The following TIMM50 variants were observed in gnomAD, a reference collection of about 807,000 sequenced individuals.
TIMM50 encodes mitochondrial import inner membrane translocase subunit TIM50.
A neutral mutation model predicts 49.6 loss-of-function variants in TIMM50; 34 were observed. That is an observed-to-expected ratio of 0.69 (90% CI 0.52 to 0.91). TIMM50 has a LOEUF of 0.91. Among genes scored for constraint, TIMM50 ranks in the 40% least tolerant of loss-of-function variants. The pLI is 0.00. For missense variants in TIMM50, 458 were observed against 477.8 expected, an observed-to-expected ratio of 0.96 and a Z score of 0.39; for synonymous variants, 199 against 198.4, an observed-to-expected ratio of 1.00 and a Z score of -0.03.
rs1223836779 is a variant in TIMM50 at position 39,485,575 on chromosome 19, A to G, written c.345A>G (p.Thr115=). 3 of 1,614,120 alleles carry G rather than the reference A, an allele frequency of 1.9e-6. No individual in the cohort carries two copies. The South Asian group carries it at 3.3e-5, about 18-fold the overall frequency. ...TTCTGGTACAGCAGTTGCGCCGGAC[A>G]TACAAATATTTCAAAGATTATAGAC... The part of the protein sequence containing the change: ...DPILVQQLRR[T]YKYFKDYRQM... Residue 115 remains threonine (T), a synonymous_variant, in exon 5 of 11, where the codon ACA becomes ACG. Transcript: ENST00000607714.
chr19:39,487,232 G>C (rs2079513041), intron 8 of TIMM50, among the ~76,000 whole-genome samples: 1 of 152,194 alleles, frequency 6.6e-6, no homozygotes, highest in Non-Finnish European at 1.5e-5. Context: ...CCTGGGTCTA[G>C]AAGTCTATGT....
rs1440318384 is a variant in TIMM50 at position 39,493,004 on chromosome 19, A to C, written c.*3184A>C. On this transcript the variant is annotated 3_prime_UTR_variant, in exon 11 of 11. Transcript: ENST00000607714. ...GCCTTCATCTAGTGCTAACTGATTAAATATTCTAAGATGACCTTCTCTGGT... is the reference window on the plus strand; with the variant it reads ...GCCTTCATCTAGTGCTAACTGATTACATATTCTAAGATGACCTTCTCTGGT... The C allele has an allele frequency of 1.3e-5, 2 of 151,854 alleles. No individual in the cohort carries two copies. Among genetic ancestry groups the C allele is most frequent in the Non-Finnish European group, 1.5e-5 (1 of 68,032 alleles). 9.4% of individuals were successfully genotyped at this position (151,854 alleles called of 1,614,324 possible).
chr19:39,485,842 A>T (rs1249913635), intron 6 of TIMM50, 35 bp downstream of exon 6: 1 of 1,612,534 alleles, frequency 6.2e-7, no homozygotes, highest in Non-Finnish European at 8.5e-7. Context: ...TTGGGGATAG[A>T]CCTGGGCAGT....
chr19:39,482,083 C>T, intron 2 of TIMM50, 50 bp downstream of exon 2: 1 of 1,593,772 alleles, frequency 6.3e-7, no homozygotes, highest in Non-Finnish European at 8.6e-7. Flanking sequence ...CCTCCCTGGT[C>T]CACTGTGGAA....
chr19:39,482,804 C>G, intron 2 of TIMM50, 81 bp from the exon 3 acceptor site: 1 of 1,589,794 alleles, frequency 6.3e-7, no homozygotes, highest in South Asian at 1.1e-5. Flanking sequence ...TCCAGGAGTC[C>G]AGGCCCCTTA....
intron 10 of TIMM50, among the ~76,000 whole-genome samples, chr19:39,489,305 C>T (rs992227333): frequency 4.6e-5 from 7 of 152,040 alleles, no homozygotes; most frequent in Non-Finnish European, 8.8e-5. Flanking sequence ...GACCTGGGAT[C>T]TCACCAGCAT....
At chr19:39,488,017 A>G in intron 8 of TIMM50, 44 bp from the exon 9 acceptor site, 1 of 1,574,796 alleles carries the variant, frequency 6.4e-7, no homozygotes, top group Non-Finnish European at 8.7e-7. Context: ...TGATGGGGGG[A>G]GAGTTGGGCA....
intron 10 of TIMM50, 56 bp downstream of exon 10, chr19:39,488,701 G>GGCA: frequency 7.0e-7 from 1 of 1,421,164 alleles, no homozygotes; most frequent in Non-Finnish European, 9.9e-7. Flanking sequence ...TGAAGGAGGA[G>GGCA]CCTGGGGCAG....
At chr19:39,488,341 CT>C in intron 9 of TIMM50, 124 bp downstream of exon 9, 1 of 1,223,694 alleles carries the variant, frequency 8.2e-7, no homozygotes, top group Non-Finnish European at 1.2e-6. Context: ...ACCTTGGAGT[CT>C]TTAGGAGCTT....
intron 4 of TIMM50, 184 bp from the exon 5 acceptor site, chr19:39,485,360 A>G: frequency 1.5e-6 from 1 of 651,844 alleles, no homozygotes; most frequent in East Asian, 2.7e-5. Context: ...GGGCAAGTAA[A>G]TAAATCTGTG....
At chr19:39,485,428 C>T (rs1032956026) in intron 4 of TIMM50, 116 bp from the exon 5 acceptor site, 1 of 1,266,964 alleles carries the variant, frequency 7.9e-7, no homozygotes, top group East Asian at 2.3e-5. Flanking sequence ...TGAGTTGGTT[C>T]AAACCAGGCA....
intron 4 of TIMM50, among the ~76,000 whole-genome samples, chr19:39,484,260 C>T (rs927118564): frequency 3.3e-5 from 5 of 152,080 alleles, no homozygotes; most frequent in South Asian, 2.1e-4. Flanking sequence ...ATTCATTAGC[C>T]GGGAGTGGTG....
Position 39,489,972 on chromosome 19 carries a change from C to T in TIMM50, c.*152C>T, listed in dbSNP as rs76609107. The stretch of plus-strand genomic sequence containing the variant: ...CAGATGGGGGCATCAGGGTGAGGTC[C>T]GGGACTCTTGGGTCATCGTCCCACA... On this transcript the variant is annotated 3_prime_UTR_variant, in exon 11 of 11. Coordinates refer to ENST00000607714, the MANE Select transcript of TIMM50 (RefSeq NM_001001563.5). 14,949 of 736,764 alleles carry T rather than the reference C, an allele frequency of 0.02. 238 individuals are homozygous for T. Among genetic ancestry groups the T allele is most frequent in the Non-Finnish European group, 0.028 (12,592 of 445,766 alleles). 45.6% of individuals were successfully genotyped at this position (736,764 alleles called of 1,614,324 possible).
Position 39,491,979 on chromosome 19 carries a change from A to C in TIMM50, c.*2159A>C, listed in dbSNP as rs1403987140. On this transcript the variant is annotated 3_prime_UTR_variant, in exon 11 of 11. Coordinates refer to ENST00000607714, the MANE Select transcript of TIMM50 (RefSeq NM_001001563.5). ...CAATCTTCCTGCCTTGGCCTCCCCA[A>C]ATGCTGAGATTATAGGAGTGAGCCA... 6.6e-6 allele frequency: 1 copy of C among 152,026 alleles called. No individual in the cohort carries two copies. Among genetic ancestry groups the C allele is most frequent in the African/African-American group, 2.4e-5 (1 of 41,400 alleles). The allele number at this position is 152,026 out of a possible 1,614,324, so 9.4% of individuals were successfully genotyped here. A position where few individuals can be genotyped will look rare whatever the true frequency, so the allele number is the denominator to read the frequency against.
chr19:39,486,601 C>G (rs1354117020), intron 8 of TIMM50, 106 bp downstream of exon 8: 2 of 1,033,150 alleles, frequency 1.9e-6, no homozygotes, highest in East Asian at 5.1e-5. Flanking sequence ...TATGGTTCTG[C>G]CCAGATTCGA....
In TIMM50 at chr19:39,488,258, C is replaced by G. The variant is rs753226935; in HGVS notation, c.853+41C>G. 7.6e-6 allele frequency: 12 copies of G among 1,576,914 alleles called. No individual in the cohort carries two copies. In the South Asian group the frequency reaches 1.1e-4, roughly 15 times the overall value. On this transcript the variant is annotated intron_variant, in intron 9 of 10. Transcript: ENST00000607714. ...GATCCCTTGGCCTCTGACCCCAGAGCCCCTGACTCTGAAGAGGAAGGATAA... is the reference window on the plus strand; with the variant it reads ...GATCCCTTGGCCTCTGACCCCAGAGGCCCTGACTCTGAAGAGGAAGGATAA...
In TIMM50 at chr19:39,488,639, A is replaced by G. The variant is rs771735760; in HGVS notation, c.954A>G (p.Leu318=). ...CTTTCAAACAGCGGCAAAGCCGGCT[A>G]GAGCAGGTTGGTGCTCAGATGCCCA... ...LAAFKQRQSR[L]EQEEQQRLAE... Residue 318 remains leucine, a synonymous_variant, in exon 10 of 11, where the codon CTA becomes CTG. Transcript: ENST00000607714. The G allele has an allele frequency of 2.5e-5, 40 of 1,613,596 alleles. No individual in the cohort carries two copies. The highest frequency in any genetic ancestry group is 3.3e-5 in the Non-Finnish European group (39 of 1,179,938).
In TIMM50 at chr19:39,485,804, G is replaced by A. The variant is rs1394616425; in HGVS notation, c.489G>A (p.Trp163Ter). The A allele has an allele frequency of 2.5e-6, 4 of 1,614,024 alleles. No homozygotes were observed. The African/African-American group carries it at 4.0e-5, about 16-fold the overall frequency. Residue 163 changes from tryptophan (W) to a stop codon, truncating the protein, a stop_gained, in exon 6 of 11, where the codon TGG (tryptophan) becomes TGA (stop). Transcript: ENST00000607714. LOFTEE classifies it high-confidence loss of function. ...CCGGCGTCCTCTTGCATCCTGAGTG[G>A]TCGGTGTGTCCCGGGAAACCCAGTG... is the stretch of plus-strand genomic sequence containing the variant. ...ELTGVLLHPE[W>*]SLATGWRFKK...
At chr19:39,481,279 G>A (rs1359452205) in intron 1 of TIMM50, 3 of 421,760 alleles carry the variant, frequency 7.1e-6, no homozygotes, top group East Asian at 4.1e-5. Context: ...CAGTCTGGCC[G>A]TGGGAGTTAT....
Sources: gnomAD v4.1 joint callset for allele counts (sites outside exome capture counted in the v4.1 genomes callset) on GRCh38, gnomAD v4.1.1 for gene constraint, MANE v1.5 for transcripts, NCBI Gene and HGNC (gene_info 2026-07-23, HGNC 2026-07-21) for gene names.